The following IRAG2 variants were observed in gnomAD, a reference collection of about 807,000 sequenced individuals.
IRAG2 encodes lymphoid restricted membrane protein.
Under a neutral mutation model 69.9 loss-of-function variants are expected in IRAG2, and 45 were observed. The ratio of observed to expected loss-of-function variants is 0.64; its 90% CI spans 0.51 to 0.83. IRAG2 has a LOEUF of 0.83. Ranked by LOEUF, IRAG2 falls within the 40% of genes least tolerant of loss-of-function variation. IRAG2 has a pLI of 0.00. For synonymous variants in IRAG2, 193 were observed against 202.4 expected, an observed-to-expected ratio of 0.95 and a Z score of 0.40; for missense variants, 520 against 587.0, an observed-to-expected ratio of 0.89 and a Z score of 1.18.
chr12:25,039,061 C>T (rs1944726390), intron 16 of IRAG2, among the ~76,000 whole-genome samples: 1 of 152,210 alleles, frequency 6.6e-6, no homozygotes, highest in Non-Finnish European at 1.5e-5. Flanking sequence ...ACCATAAGCA[C>T]AGTGATTATA....
intron 5 of IRAG2, chr12:25,017,030 A>C (rs1271825949): frequency 1.1e-6 from 1 of 882,034 alleles, no homozygotes; most frequent in African/African-American, 1.8e-5. Flanking sequence ...AAAAAAAAAA[A>C]ACTCACCAGA....
chr12:25,094,247 G>C (rs140769980), intron 14 of IRAG2, among the ~76,000 whole-genome samples: 66 of 151,982 alleles, frequency 4.3e-4, no homozygotes, highest in South Asian at 3.1e-3. Flanking sequence ...AATCCATTTT[G>C]AGTTAATTTT....
intron 6 of IRAG2, among the ~76,000 whole-genome samples, chr12:25,072,372 C>G (rs946162637): frequency 1.3e-5 from 2 of 152,114 alleles, no homozygotes; most frequent in African/African-American, 2.4e-5. Flanking sequence ...TCTGACTGAT[C>G]CCACCAATTC....
chr12:25,019,547 C>G (rs1356880418), intron 6 of IRAG2, among the ~76,000 whole-genome samples: 1 of 152,180 alleles, frequency 6.6e-6, no homozygotes, highest in Non-Finnish European at 1.5e-5. Flanking sequence ...GCCTCTTCTC[C>G]TCTTGATGTT....
At chr12:25,100,009 A>AAAAAAAAAC (rs1948660224) in intron 15 of IRAG2, among the ~76,000 whole-genome samples, 1 of 149,112 alleles carries the variant, frequency 6.7e-6, no homozygotes. Flanking sequence ...TGAAAAAAAA[A>AAAAAAAAAC]AAAAAAAAAA....
At chr12:25,062,286 C>A (rs911497716) in intron 2 of IRAG2, among the ~76,000 whole-genome samples, 2 of 151,834 alleles carry the variant, frequency 1.3e-5, no homozygotes, top group African/African-American at 4.8e-5. Context: ...CATGCAGACA[C>A]ATCTGTTAAA....
chr12:25,065,426 A>G (rs1457896136), intron 4 of IRAG2, among the ~76,000 whole-genome samples: 1 of 152,156 alleles, frequency 6.6e-6, no homozygotes, highest in Admixed American at 6.5e-5. Flanking sequence ...GCTGCTTCCT[A>G]TACTCAGAAA....
chr12:25,033,933 G>A, exon 13 of IRAG2: 1 of 398,958 alleles, frequency 2.5e-6, no homozygotes, highest in Non-Finnish European at 4.4e-6. Context: ...ACTCACTCTT[G>A]CTCAGTCTGC....
intron 16 of IRAG2, 127 bp from the exon 17 acceptor site, chr12:25,102,071 T>C: frequency 1.4e-6 from 1 of 723,896 alleles, no homozygotes; most frequent in East Asian, 2.7e-5. Flanking sequence ...GATATTTATA[T>C]TGCTCGGTAG....
chr12:25,043,528 A>C (rs1163512944), intron 16 of IRAG2, among the ~76,000 whole-genome samples: 1 of 152,136 alleles, frequency 6.6e-6, no homozygotes, highest in Non-Finnish European at 1.5e-5. Flanking sequence ...CCAGGGATGA[A>C]AGGATGGAAG....
At chr12:25,046,705 A>G (rs983432010) in intron 16 of IRAG2, among the ~76,000 whole-genome samples, 8 of 152,182 alleles carry the variant, frequency 5.3e-5, no homozygotes, top group African/African-American at 1.9e-4. Context: ...AAGGCATCCT[A>G]CGTTCATAGA....
At chr12:25,015,466 T>C (rs1277957472) in intron 5 of IRAG2, 2 of 1,149,594 alleles carry the variant, frequency 1.7e-6, no homozygotes, top group Non-Finnish European at 2.2e-6. Flanking sequence ...GTGTTTCAAC[T>C]TCATTTTTCT....
chr12:25,018,856 T>C (rs1299459979), intron 6 of IRAG2, among the ~76,000 whole-genome samples: 1 of 152,236 alleles, frequency 6.6e-6, no homozygotes, highest in Non-Finnish European at 1.5e-5. Context: ...GCCACGTGTC[T>C]TTCTCTTTTC....
chr12:25,028,934 G>A (rs1400101932), intron 9 of IRAG2, among the ~76,000 whole-genome samples: 1 of 152,162 alleles, frequency 6.6e-6, no homozygotes, highest in African/African-American at 2.4e-5. Flanking sequence ...ATCTCACTCT[G>A]TTACCTGCGC....
intron 1 of IRAG2, among the ~76,000 whole-genome samples, chr12:25,055,803 T>G (rs1298640088): frequency 6.6e-6 from 1 of 152,116 alleles, no homozygotes; most frequent in Non-Finnish European, 1.5e-5. Context: ...AAAGGAAATT[T>G]TTAAAAGCTT....
chr12:25,062,930 G>A (rs1945721529), intron 3 of IRAG2, 30 bp downstream of exon 3: 1 of 398,736 alleles, frequency 2.5e-6, no homozygotes, highest in African/African-American at 2.1e-5. Context: ...AATTATTTAG[G>A]TAGTAATTGT....
At chr12:25,019,086 G>A (rs980907801) in intron 6 of IRAG2, among the ~76,000 whole-genome samples, 2 of 152,218 alleles carry the variant, frequency 1.3e-5, no homozygotes, top group African/African-American at 4.8e-5. Flanking sequence ...GCATGCAGGT[G>A]AGCAGGTGTA....
At chr12:25,083,296 T>C in intron 9 of IRAG2, 127 bp from the exon 10 acceptor site, 1 of 739,226 alleles carries the variant, frequency 1.4e-6, no homozygotes, top group South Asian at 1.5e-5. Flanking sequence ...TTGTAGTTCA[T>C]AATTTGTCTC....
In IRAG2 at chr12:25,108,094, T is replaced by TTAAG; in HGVS notation, c.*36_*39dup. 1 of 1,599,250 alleles carries TTAAG rather than the reference T, an allele frequency of 6.3e-7. No homozygotes were observed. The highest frequency in any genetic ancestry group is 8.5e-7 in the Non-Finnish European group (1 of 1,170,754). On this transcript the variant is annotated 3_prime_UTR_variant, in exon 22 of 22. Transcript: ENST00000556887. ...CATCCTAATATATGGATCTTGATTT[T>TTAAG]TAAGTTTCAGTATCTGAACTTCGTA...
Sources: gnomAD v4.1 joint callset for allele counts (sites outside exome capture counted in the v4.1 genomes callset) on GRCh38, gnomAD v4.1.1 for gene constraint, MANE v1.5 for transcripts, NCBI Gene and HGNC (gene_info 2026-07-23, HGNC 2026-07-21) for gene names.